Variants in ZNF385D observed in about 807,000 individuals in gnomAD.
ZNF385D encodes the protein zinc finger protein 659.
Under a neutral mutation model 35.8 loss-of-function variants are expected in ZNF385D, and 15 were observed. The ratio of observed to expected loss-of-function variants is 0.42; its 90% confidence interval spans 0.28 to 0.64. The LOEUF is 0.64. Ranked by LOEUF, ZNF385D falls within the 30% of genes least tolerant of loss-of-function variation. The pLI, the probability that ZNF385D is intolerant of heterozygous loss-of-function variation, is 0.23. For synonymous variants in ZNF385D, 212 were observed against 186.8 expected (o/e 1.13, Z -1.10); for missense variants, 474 against 494.6 (o/e 0.96, Z 0.39).
chr3:21,418,887 G>T lies in ZNF385D; in HGVS notation c.*2327C>A, dbSNP rs188499573. 1 of 152,176 alleles carries T rather than the reference G, an allele frequency of 6.6e-6. No individual in the cohort carries two copies. Among genetic ancestry groups the T allele is most frequent in the East Asian group, 1.9e-4 (1 of 5,176 alleles). 9.4% of individuals were successfully genotyped at this position (152,176 alleles called of 1,614,324 possible). A position where few individuals can be genotyped will look rare whatever the true frequency, so the allele number is the denominator to read the frequency against. On this transcript the variant is annotated 3_prime_UTR_variant, in exon 8 of 8. Coordinates refer to ENST00000281523, the MANE Select transcript of ZNF385D (RefSeq NM_024697.3). ...CTAAAGTTCAAAATGGTTAGAAGCT[G>T]GTCACATGGGATACAGACAGAGCCC...
intron 2 of ZNF385D, among the ~76,000 whole-genome samples, chr3:21,618,168 T>C (rs776368010): frequency 2.0e-5 from 3 of 152,158 alleles, no homozygotes; most frequent in Non-Finnish European, 2.9e-5. Context: ...ATATAATTAG[T>C]GATGCTGAGA....
chr3:21,440,790 G>A (rs1157985611), intron 4 of ZNF385D, among the ~76,000 whole-genome samples: 1 of 152,118 alleles, frequency 6.6e-6, no homozygotes, highest in Non-Finnish European at 1.5e-5. Flanking sequence ...AACAAATGGT[G>A]CATCATTCAA....
chr3:22,193,446 A>T (rs1467082355), intron 2 of ZNF385D, among the ~76,000 whole-genome samples: 2 of 152,116 alleles, frequency 1.3e-5, no homozygotes, highest in African/African-American at 4.8e-5. Flanking sequence ...TATATATGAT[A>T]TTAACGAATA....
At chr3:22,277,542 C>G (rs947999152) in intron 2 of ZNF385D, among the ~76,000 whole-genome samples, 2 of 152,052 alleles carry the variant, frequency 1.3e-5, no homozygotes, top group African/African-American at 4.8e-5. Context: ...TAAATAGTAT[C>G]AAACGAATTA....
chr3:21,695,595 TAA>T (rs2067441959), intron 1 of ZNF385D, among the ~76,000 whole-genome samples: 1 of 152,096 alleles, frequency 6.6e-6, no homozygotes, highest in Non-Finnish European at 1.5e-5. Flanking sequence ...ATGGAAAGTA[TAA>T]AACTCGTCAA....
chr3:22,076,054 G>T (rs966532347), intron 3 of ZNF385D, among the ~76,000 whole-genome samples: 1 of 151,802 alleles, frequency 6.6e-6, no homozygotes, highest in Non-Finnish European at 1.5e-5. Context: ...ATTACCAACT[G>T]AGTCTAAACT....
chr3:21,892,290 G>C (rs1162654240), intron 3 of ZNF385D, among the ~76,000 whole-genome samples: 1 of 152,142 alleles, frequency 6.6e-6, no homozygotes, highest in Non-Finnish European at 1.5e-5. Context: ...AAGCGCTACA[G>C]TGCCAGGAAT....
intron 2 of ZNF385D, among the ~76,000 whole-genome samples, chr3:22,281,878 TTG>T (rs148104688): frequency 0.041 from 6,174 of 152,128 alleles, 139 homozygotes; most frequent in African/African-American, 0.062. Context: ...TGAACATTTT[TTG>T]TTGGTGGTGG....
intron 2 of ZNF385D, among the ~76,000 whole-genome samples, chr3:21,631,738 C>T (rs527272304): frequency 6.6e-6 from 1 of 152,164 alleles, no homozygotes; most frequent in South Asian, 2.1e-4. Flanking sequence ...TAAACTAAGT[C>T]AGGATTTGAG....
At chr3:21,778,726 A>T (rs2071385292) in intron 3 of ZNF385D, among the ~76,000 whole-genome samples, 1 of 152,008 alleles carries the variant, frequency 6.6e-6, no homozygotes, top group African/African-American at 2.4e-5. Flanking sequence ...TAAAAAATCC[A>T]AATAGAAATT....
intron 2 of ZNF385D, among the ~76,000 whole-genome samples, chr3:22,295,295 G>C (rs62247264): frequency 0.016 from 2,378 of 152,112 alleles, 59 homozygotes; most frequent in South Asian, 0.091. Context: ...TAACATTCTA[G>C]AAAAAGTTTC....
intron 3 of ZNF385D, among the ~76,000 whole-genome samples, chr3:22,091,254 G>A (rs1459778953): frequency 6.6e-6 from 1 of 152,130 alleles, no homozygotes; most frequent in African/African-American, 2.4e-5. Context: ...AGAGCCTACT[G>A]GTGAAGATAA....
intron 3 of ZNF385D, among the ~76,000 whole-genome samples, chr3:21,963,902 C>T (rs760226422): frequency 5.3e-5 from 8 of 151,988 alleles, no homozygotes; most frequent in Non-Finnish European, 8.8e-5. Flanking sequence ...AGAACTAACT[C>T]AGAGCAATTT....
intron 1 of ZNF385D, among the ~76,000 whole-genome samples, chr3:21,741,254 G>C (rs2069501678): frequency 6.6e-6 from 1 of 152,166 alleles, no homozygotes; most frequent in African/African-American, 2.4e-5. Context: ...AAAAAAACCA[G>C]ATGGGTGCCA....
chr3:22,290,851 C>A (rs760737961), intron 2 of ZNF385D, among the ~76,000 whole-genome samples: 3 of 152,076 alleles, frequency 2.0e-5, no homozygotes, highest in Non-Finnish European at 4.4e-5. Context: ...ATCCTACATG[C>A]GGGGGCTTTT....
intron 4 of ZNF385D, among the ~76,000 whole-genome samples, chr3:21,498,667 T>A (rs1286608564): frequency 6.6e-6 from 1 of 152,026 alleles, no homozygotes; most frequent in African/African-American, 2.4e-5. Flanking sequence ...CACCTCACAC[T>A]GGTCAGAATG....
chr3:22,169,663 G>T (rs777584209), intron 2 of ZNF385D, among the ~76,000 whole-genome samples: 3 of 152,014 alleles, frequency 2.0e-5, no homozygotes, highest in Non-Finnish European at 4.4e-5. Context: ...CTTATAATCA[G>T]GGTACAAAAA....
At chr3:21,698,148 A>T (rs1303614368) in intron 1 of ZNF385D, among the ~76,000 whole-genome samples, 1 of 152,220 alleles carries the variant, frequency 6.6e-6, no homozygotes, top group African/African-American at 2.4e-5. Context: ...ACCTGCACAC[A>T]TATGTTTATT....
chr3:21,443,110 AAT>A (rs1424579129), intron 4 of ZNF385D: 1 of 984,520 alleles, frequency 1.0e-6, no homozygotes, highest in Non-Finnish European at 1.2e-6. Context: ...ACGGCCTAGA[AAT>A]CCCAAAGCCA....
Sources: allele counts gnomAD v4.1 joint callset (sites outside exome capture counted in the v4.1 genomes callset), GRCh38; gene constraint gnomAD v4.1.1; transcripts MANE v1.5; gene names NCBI Gene and HGNC (gene_info 2026-07-23, HGNC 2026-07-21).